The following RNF166 variants were observed in gnomAD, a reference collection of about 807,000 sequenced individuals.
RNF166 encodes E3 ubiquitin-protein ligase RNF166.
In RNF166, 19 loss-of-function variants were observed where a neutral mutation model predicts 29.4. The observed-to-expected ratio is 0.65, with a 90% CI of 0.45 to 0.95. The LOEUF (loss-of-function observed/expected upper bound fraction) is 0.95. RNF166 is among the 40% of genes least tolerant of loss of function. The pLI is 0.00. For missense variants in RNF166, 347 were observed against 322.1 expected (o/e 1.08, Z -0.59); for synonymous variants, 171 against 134.5 (o/e 1.27, Z -1.88).
In RNF166 at chr16:88,699,089, G is replaced by A. The variant is rs1460302059; in HGVS notation, c.426-4C>T. 13 of 1,593,012 alleles carry A rather than the reference G, an allele frequency of 8.2e-6. No individual in the cohort carries two copies. Among genetic ancestry groups the A allele is most frequent in the Non-Finnish European group, 1.1e-5 (13 of 1,167,202 alleles). On this transcript the variant is annotated splice_polypyrimidine_tract_variant and splice_region_variant and intron_variant, in intron 3 of 5. Transcript: ENST00000312838. Reference sequence around the variant, plus strand: ...GGTGGACCTGTTGGGGATGTTGCTGGCGGGGCGGGGGTAGAGTGAGTGGCA... The same window carrying A: ...GGTGGACCTGTTGGGGATGTTGCTGACGGGGCGGGGGTAGAGTGAGTGGCA...
Sources: gnomAD v4.1 joint callset for allele counts on GRCh38, gnomAD v4.1.1 for gene constraint, MANE v1.5 for transcripts, NCBI Gene and HGNC (gene_info 2026-07-23, HGNC 2026-07-21) for gene names.